The following PPM1K variants were observed in gnomAD, a reference collection of about 807,000 sequenced individuals.
PPM1K encodes the protein protein phosphatase, Mg2+/Mn2+ dependent 1K.
In PPM1K, 19 loss-of-function variants were observed where a neutral mutation model predicts 32.6. The ratio of observed to expected loss-of-function variants is 0.58; its 90% confidence interval spans 0.41 to 0.86. The LOEUF (loss-of-function observed/expected upper bound fraction) is 0.86. PPM1K is among the 40% of genes least tolerant of loss of function. The pLI is 0.00. For synonymous variants in PPM1K, 159 were observed against 165.3 expected, an observed-to-expected ratio of 0.96 and a Z score of 0.29; for missense variants, 362 against 461.2, an observed-to-expected ratio of 0.78 and a Z score of 1.97.
intron 3 of PPM1K, 27 bp downstream of exon 3, chr4:88,277,116 T>G: frequency 6.4e-7 from 1 of 1,557,828 alleles, no homozygotes; most frequent in Non-Finnish European, 8.9e-7. Context: ...CTCCCTAGGA[T>G]CCAAGGAATG....
intron 3 of PPM1K, among the ~76,000 whole-genome samples, 172 bp from the exon 4 acceptor site, chr4:88,269,078 T>C (rs1731452153): frequency 6.6e-6 from 1 of 152,248 alleles, no homozygotes; most frequent in Admixed American, 6.5e-5. Context: ...AGTAACAGCA[T>C]GCAGAGAAAC....
intron 1 of PPM1K, among the ~76,000 whole-genome samples, chr4:88,283,362 T>C (rs138830556): frequency 1.6e-4 from 25 of 152,372 alleles, no homozygotes; most frequent in African/African-American, 5.8e-4. Context: ...GCTTTGGCCT[T>C]CCAAAGTGCT....
intron 1 of PPM1K, among the ~76,000 whole-genome samples, chr4:88,283,176 G>A (rs1732086667): frequency 6.6e-6 from 1 of 152,144 alleles, no homozygotes; most frequent in Admixed American, 6.5e-5. Flanking sequence ...GTGCAGTGGT[G>A]CGATCTCGGC....
chr4:88,275,026 A>G (rs937485946), intron 3 of PPM1K: 96 of 775,816 alleles, frequency 1.2e-4, no homozygotes, highest in Non-Finnish European at 1.4e-4. Flanking sequence ...ACACACTAAG[A>G]GCATCATCTT....
chr4:88,268,831 A>T lies in PPM1K; in HGVS notation c.617T>A (p.Val206Asp), dbSNP rs1251922620. The T allele has an allele frequency of 1.2e-6, 2 of 1,613,918 alleles. No homozygotes were observed. Among genetic ancestry groups the T allele is most frequent in the Non-Finnish European group, 1.7e-6 (2 of 1,179,924 alleles). Reference protein sequence around the residue: ...RDGIELVVASVGDSRAILCRK... With the variant: ...RDGIELVVASDGDSRAILCRK... ...ACACAAAATAGCCCGGCTGTCCCCA[A>T]CACTGGCTACAACCAGTTCAATACC... Residue 206 changes from valine (V) to aspartate (D), a missense_variant, in exon 4 of 7, where the codon GTT (valine) becomes GAT (aspartate). Coordinates refer to ENST00000608933, the MANE Select transcript of PPM1K (RefSeq NM_152542.5).
chr4:88,278,671 G>T lies in PPM1K; in HGVS notation c.-59-29C>A. The T allele has an allele frequency of 5.5e-6, 6 of 1,081,752 alleles. No individual in the cohort carries two copies. The South Asian group carries it at 8.0e-5, about 14-fold the overall frequency. 67.0% of individuals were successfully genotyped at this position (1,081,752 alleles called of 1,614,324 possible). ...CAAGAAAAATGATGCAAGTCACAGG[G>T]GACAGAGGGAGAGAGGGGCAGAGGA... On this transcript the variant is annotated intron_variant, in intron 1 of 6. Coordinates refer to ENST00000608933, the MANE Select transcript of PPM1K (RefSeq NM_152542.5). The surrounding 1 kb of genome is among the most constrained non-coding windows in gnomAD (Gnocchi z 4.2).
In PPM1K at chr4:88,268,903, G is replaced by C; in HGVS notation, c.545C>G (p.Thr182Ser). 1 of 1,599,006 alleles carries C rather than the reference G, an allele frequency of 6.3e-7. No individual in the cohort carries two copies. Among genetic ancestry groups the C allele is most frequent in the Non-Finnish European group, 8.5e-7 (1 of 1,174,072 alleles). ...SSHARLSADA[T>S]LLTSGTTATV... is the part of the protein sequence containing the mutation. ...TGCAGTAGTCCCAGAGGTCAGAAGA[G>C]TTGCTACAAGTATTATGAAAAAAAG... The change falls in exon 4 of 7, where the codon ACT becomes AGT. Residue 182 changes from threonine to serine, a missense_variant. Physicochemically the swap from Thr to Ser is moderately conservative, Grantham distance 58. Transcript: ENST00000608933.
intron 3 of PPM1K, 84 bp downstream of exon 3, chr4:88,277,059 C>A: frequency 2.9e-6 from 3 of 1,039,442 alleles, no homozygotes; most frequent in Middle Eastern, 2.1e-4. Context: ...TCCCCTCCCC[C>A]AAAGGACTTA....
intron 6 of PPM1K, 105 bp from the exon 7 acceptor site, chr4:88,262,831 C>A: frequency 1.5e-6 from 2 of 1,307,586 alleles, no homozygotes; most frequent in East Asian, 2.6e-5. Flanking sequence ...CCTAGAAAGC[C>A]AAACTGGTCT....
chr4:88,264,755 G>T (rs576538116), intron 6 of PPM1K, among the ~76,000 whole-genome samples: 2 of 152,138 alleles, frequency 1.3e-5, no homozygotes, highest in Non-Finnish European at 2.9e-5. Flanking sequence ...GTGAATATTA[G>T]TTTACTATTA....
chr4:88,278,060 C>T lies in PPM1K; in HGVS notation c.440+84G>A, dbSNP rs747306900. On this transcript the variant is annotated intron_variant, in intron 2 of 6. Transcript: ENST00000608933. This position sits in a 1 kb window ranked among gnomAD's most constrained non-coding sequence, Gnocchi z 4.2. ...GCAACCACTCAAGTAACTATGTTTACGCTGGAAGCCTCAGCCAAAGGGTGA... is the reference window on the plus strand; with the variant it reads ...GCAACCACTCAAGTAACTATGTTTATGCTGGAAGCCTCAGCCAAAGGGTGA... The T allele has an allele frequency of 1.4e-4, 154 of 1,138,516 alleles. No individual in the cohort carries two copies. The highest frequency in any genetic ancestry group is 2.3e-4 in the South Asian group (15 of 65,652). The allele number at this position is 1,138,516 out of a possible 1,614,324, so 70.5% of individuals were successfully genotyped here.
intron 5 of PPM1K, among the ~76,000 whole-genome samples, chr4:88,265,407 C>G (rs952780846): frequency 2.6e-5 from 4 of 152,166 alleles, no homozygotes; most frequent in African/African-American, 7.2e-5. Context: ...CTCACAAGAT[C>G]TGATGGTTTT....
intron 1 of PPM1K, among the ~76,000 whole-genome samples, chr4:88,281,773 G>A (rs777308472): frequency 4.6e-5 from 7 of 152,040 alleles, no homozygotes; most frequent in Non-Finnish European, 8.8e-5. Flanking sequence ...CAATTCAAAG[G>A]CAGCTGGAGT....
At chr4:88,273,934 A>G (rs112587574) in intron 3 of PPM1K, among the ~76,000 whole-genome samples, 4,164 of 152,244 alleles carry the variant, frequency 0.027, 186 homozygotes, top group African/African-American at 0.093. Context: ...CCAATCTTTC[A>G]TGCCCTATGT....
At chr4:88,277,517 C>T (rs1287532786) in intron 2 of PPM1K, 2 of 338,736 alleles carry the variant, frequency 5.9e-6, no homozygotes, top group African/African-American at 4.2e-5. Flanking sequence ...GAGTTCCTTC[C>T]CATTGTGAGT....
chr4:88,265,976 G>C (rs942211342), intron 5 of PPM1K, among the ~76,000 whole-genome samples: 4 of 152,150 alleles, frequency 2.6e-5, no homozygotes, highest in Non-Finnish European at 5.9e-5. Context: ...GAGGTGCATT[G>C]ACCTCTGTAT....
At chr4:88,272,948 C>T (rs925248848) in intron 3 of PPM1K, among the ~76,000 whole-genome samples, 2 of 152,188 alleles carry the variant, frequency 1.3e-5, no homozygotes, top group African/African-American at 4.8e-5. Context: ...TCTGAAAGGA[C>T]TGAATGCACA....
rs746872587 is a variant in PPM1K, at chr4:88,268,887, C to G, written c.561G>C (p.Gly187=). The change falls in exon 4 of 7, where the codon GGG becomes GGC. Residue 187 remains glycine, a synonymous_variant. Transcript: ENST00000608933. ...LSADATLLTS[G]TTATVALLRD... ...GCAATAGGGCTACTGTTGCAGTAGTCCCAGAGGTCAGAAGAGTTGCTACAA... is the reference window on the plus strand; with the variant it reads ...GCAATAGGGCTACTGTTGCAGTAGTGCCAGAGGTCAGAAGAGTTGCTACAA... 2 of 1,611,828 alleles carry G rather than the reference C, an allele frequency of 1.2e-6. No homozygotes were observed. Among genetic ancestry groups the G allele is most frequent in the Non-Finnish European group, 1.7e-6 (2 of 1,179,168 alleles).
intron 6 of PPM1K, among the ~76,000 whole-genome samples, chr4:88,262,990 C>T (rs973075451): frequency 6.6e-6 from 1 of 152,162 alleles, no homozygotes; most frequent in African/African-American, 2.4e-5. Context: ...ATTTTGGCAA[C>T]AGAAACACCA....
Sources: allele counts gnomAD v4.1 joint callset (sites outside exome capture counted in the v4.1 genomes callset), GRCh38; gene constraint gnomAD v4.1.1; non-coding constraint Gnocchi (gnomAD v3.1); transcripts MANE v1.5; gene names NCBI Gene and HGNC (gene_info 2026-07-23, HGNC 2026-07-21).